CMSS1: variants seen among roughly 807,000 people sequenced by gnomAD.
The protein encoded by CMSS1 is cms1 ribosomal small subunit homolog.
Under a neutral mutation model 43.5 loss-of-function variants are expected in CMSS1, and 33 were observed. The ratio of observed to expected loss-of-function variants is 0.76; its 90% CI spans 0.57 to 1.01. The LOEUF is 1.01. Among genes scored for constraint, CMSS1 ranks in the 50% least tolerant of loss-of-function variants. The pLI is 0.00. For synonymous variants in CMSS1, 115 were observed against 117.2 expected, an observed-to-expected ratio of 0.98 and a Z score of 0.12; for missense variants, 313 against 326.4, an observed-to-expected ratio of 0.96 and a Z score of 0.32.
intron 1 of CMSS1, among the ~76,000 whole-genome samples, chr3:99,825,644 A>AT (rs1942522074): frequency 6.6e-6 from 1 of 152,182 alleles, no homozygotes; most frequent in Non-Finnish European, 1.5e-5. Flanking sequence ...ATTTTGCTAA[A>AT]TGTCCATGAA....
At chr3:100,156,299 C>CTTTTTTTTTTTT (rs34413816) in intron 2 of CMSS1, among the ~76,000 whole-genome samples, 5 of 73,050 alleles carry the variant, frequency 6.8e-5, no homozygotes, top group Non-Finnish European at 7.7e-5. Context: ...AATTTTTTTT[C>CTTTTTTTTTTTT]TTTTTTTTTT....
At chr3:100,093,428 CTTACAAAAAATATATACTTTT>C (rs775289754) in intron 1 of CMSS1, among the ~76,000 whole-genome samples, 22 of 151,966 alleles carry the variant, frequency 1.4e-4, no homozygotes, top group African/African-American at 2.9e-4. Flanking sequence ...CATTATTTTT[CTTACAAAAAATATATACTTTT>C]TTACAAAAAA....
chr3:99,932,946 G>A (rs1707533317), intron 1 of CMSS1, among the ~76,000 whole-genome samples: 1 of 152,118 alleles, frequency 6.6e-6, no homozygotes, highest in South Asian at 2.1e-4. Context: ...GGAAGTGAGG[G>A]AGCACTTACT....
chr3:100,093,625 A>G (rs1053441332), intron 1 of CMSS1, among the ~76,000 whole-genome samples: 2 of 152,178 alleles, frequency 1.3e-5, no homozygotes, highest in Non-Finnish European at 2.9e-5. Flanking sequence ...GTATATTTAC[A>G]TTGATACAGC....
intron 1 of CMSS1, among the ~76,000 whole-genome samples, chr3:100,094,538 G>A (rs2066168298): frequency 6.6e-6 from 1 of 151,948 alleles, no homozygotes; most frequent in East Asian, 1.9e-4. Context: ...TATTTTCTAA[G>A]AGAATTTTAT....
intron 1 of CMSS1, among the ~76,000 whole-genome samples, chr3:100,065,377 G>A (rs2065646298): frequency 1.3e-5 from 2 of 152,164 alleles, no homozygotes; most frequent in Non-Finnish European, 2.9e-5. Context: ...CACAGGTAAG[G>A]AAGTGGAGAG....
chr3:100,064,047 G>A (rs549102668), intron 1 of CMSS1, among the ~76,000 whole-genome samples: 50 of 152,326 alleles, frequency 3.3e-4, no homozygotes, highest in African/African-American at 1.2e-3. Flanking sequence ...TCTAGAAGCA[G>A]GTGGAAGAGT....
At chr3:100,077,992 C>T (rs1180742896) in intron 1 of CMSS1, among the ~76,000 whole-genome samples, 1 of 151,904 alleles carries the variant, frequency 6.6e-6, no homozygotes, top group Non-Finnish European at 1.5e-5. Flanking sequence ...AATGGAATGT[C>T]AGTCGTTTAA....
chr3:99,828,450 CTTTTT>C, intron 1 of CMSS1, among the ~76,000 whole-genome samples: 1 of 137,268 alleles, frequency 7.3e-6, no homozygotes, highest in East Asian at 2.1e-4. Context: ...TCACTGCACC[CTTTTT>C]TTTTTTTTTC....
chr3:100,177,184 G>A (rs1403544042), intron 9 of CMSS1, among the ~76,000 whole-genome samples: 1 of 152,202 alleles, frequency 6.6e-6, no homozygotes, highest in Non-Finnish European at 1.5e-5. Context: ...ATCACATAAA[G>A]CTATATCTCC....
chr3:99,850,808 TG>T (rs1335126829), intron 1 of CMSS1: 1 of 1,614,202 alleles, frequency 6.2e-7, no homozygotes, highest in Admixed American at 1.7e-5. Flanking sequence ...TTCTCTAGTC[TG>T]GTTGCCTTCT....
chr3:99,858,349 C>CA (rs1944075578), intron 1 of CMSS1, among the ~76,000 whole-genome samples: 1 of 151,954 alleles, frequency 6.6e-6, no homozygotes, highest in African/African-American at 2.4e-5. Flanking sequence ...CCTGTGGTCC[C>CA]AGCTACTTGG....
intron 1 of CMSS1, among the ~76,000 whole-genome samples, chr3:100,058,735 A>C (rs2065508466): frequency 6.6e-6 from 1 of 152,246 alleles, no homozygotes; most frequent in Non-Finnish European, 1.5e-5. Context: ...TCCCACTCAG[A>C]GGCTTTTCAG....
intron 1 of CMSS1, among the ~76,000 whole-genome samples, chr3:99,958,285 G>A (rs1708396714): frequency 6.7e-6 from 1 of 149,670 alleles, no homozygotes; most frequent in South Asian, 2.1e-4. Flanking sequence ...TTGAATTTAA[G>A]AGAACAGTAA....
chr3:99,858,478 A>T (rs1006368722), intron 1 of CMSS1, among the ~76,000 whole-genome samples: 5 of 152,114 alleles, frequency 3.3e-5, no homozygotes, highest in African/African-American at 4.8e-5. Flanking sequence ...AATAAAATTT[A>T]AAAAAAATCA....
intron 2 of CMSS1, among the ~76,000 whole-genome samples, chr3:100,155,963 G>A (rs562994748): frequency 6.6e-6 from 1 of 152,118 alleles, no homozygotes; most frequent in African/African-American, 2.4e-5. Flanking sequence ...AAATTTCACA[G>A]TGATGCTCCT....
intron 1 of CMSS1, among the ~76,000 whole-genome samples, chr3:99,885,513 A>T (rs1311394091): frequency 6.6e-6 from 1 of 152,216 alleles, no homozygotes; most frequent in Non-Finnish European, 1.5e-5. Flanking sequence ...AAACTCAAGG[A>T]TTTAAAATTT....
chr3:99,866,005 G>A (rs558725979), intron 1 of CMSS1, among the ~76,000 whole-genome samples: 2 of 151,752 alleles, frequency 1.3e-5, no homozygotes, highest in Admixed American at 6.6e-5. Flanking sequence ...GATATTGCAC[G>A]TGGGCATTTT....
rs1412402262 is a variant in CMSS1, at chr3:100,181,671, AATTTGG to A, written c.*3289_*3294del. 6 of 152,166 alleles carry A rather than the reference AATTTGG, an allele frequency of 3.9e-5. No homozygotes were observed. The highest frequency in any genetic ancestry group is 1.4e-4 in the African/African-American group (6 of 41,436). The allele number at this position is 152,166 out of a possible 1,614,324, so 9.4% of individuals were successfully genotyped here. Reference sequence around the variant, plus strand: ...TCGTGTATTTTGTAGAATGTCCTTCAATTTGGATTTGTCTGTAATGTTCTCATGATT... The same window carrying A: ...TCGTGTATTTTGTAGAATGTCCTTCAATTTGTCTGTAATGTTCTCATGATT... On this transcript the variant is annotated 3_prime_UTR_variant, in exon 10 of 10. Coordinates refer to ENST00000421999, the MANE Select transcript of CMSS1 (RefSeq NM_032359.4).
Sources: allele counts gnomAD v4.1 joint callset (sites outside exome capture counted in the v4.1 genomes callset), GRCh38; gene constraint gnomAD v4.1.1; transcripts MANE v1.5; gene names NCBI Gene and HGNC (gene_info 2026-07-23, HGNC 2026-07-21).